The following RALGPS1 variants were observed in gnomAD, a reference collection of about 807,000 sequenced individuals.
RALGPS1 encodes ras-specific guanine nucleotide-releasing factor RalGPS1.
A neutral mutation model predicts 78.8 loss-of-function variants in RALGPS1; 19 were observed. That is an observed-to-expected ratio of 0.24 (90% CI 0.17 to 0.35). The LOEUF is 0.35. RALGPS1 is among the 10% of genes least tolerant of loss of function. The pLI is 1.00. For synonymous variants in RALGPS1, 228 were observed against 256.3 expected (o/e 0.89, Z 1.06); for missense variants, 454 against 688.3 (o/e 0.66, Z 3.81).
chr9:127,057,549 G>A (rs1186744487), intron 7 of RALGPS1, among the ~76,000 whole-genome samples: 1 of 152,222 alleles, frequency 6.6e-6, no homozygotes, highest in African/African-American at 2.4e-5. Flanking sequence ...CTTAATAAAT[G>A]CCATCTGCAT....
intron 1 of RALGPS1, among the ~76,000 whole-genome samples, chr9:126,942,134 T>G (rs1016605966): frequency 6.6e-6 from 1 of 152,226 alleles, no homozygotes; most frequent in African/African-American, 2.4e-5. Context: ...AGGATGTTAA[T>G]TCATCATCTG....
chr9:127,168,587 G>A, intron 9 of RALGPS1, 92 bp from the exon 10 acceptor site: 1 of 891,612 alleles, frequency 1.1e-6, no homozygotes, highest in Middle Eastern at 2.2e-4. Context: ...CAGTATCCTG[G>A]GAGCATCTAA....
intron 3 of RALGPS1, among the ~76,000 whole-genome samples, chr9:126,972,876 A>G (rs992775187): frequency 2.0e-5 from 3 of 152,156 alleles, no homozygotes; most frequent in Non-Finnish European, 2.9e-5. Context: ...AGCCTGGCCA[A>G]TATGGTGAAA....
intron 9 of RALGPS1, among the ~76,000 whole-genome samples, chr9:127,167,361 C>A (rs1046529595): frequency 6.6e-6 from 1 of 152,244 alleles, no homozygotes; most frequent in African/African-American, 2.4e-5. Context: ...CTGGCCTGGG[C>A]CATCTCCAGC....
chr9:127,080,535 A>G (rs1472106757), intron 8 of RALGPS1, among the ~76,000 whole-genome samples: 2 of 152,214 alleles, frequency 1.3e-5, no homozygotes, highest in East Asian at 3.8e-4. Flanking sequence ...CAAAGTGGGA[A>G]CATTTTATAT....
chr9:127,078,375 A>C (rs2050867810), intron 8 of RALGPS1, among the ~76,000 whole-genome samples: 1 of 151,912 alleles, frequency 6.6e-6, no homozygotes, highest in African/African-American at 2.4e-5. Flanking sequence ...TGTTATTAAA[A>C]CCCATTTTAT....
At chr9:127,050,015 G>T (rs1450606524) in intron 5 of RALGPS1, 28 bp from the exon 6 acceptor site, 30 of 1,522,558 alleles carry the variant, frequency 2.0e-5, no homozygotes, top group Non-Finnish European at 2.6e-5. Flanking sequence ...GTGTGTATGT[G>T]TGTATGTGTG....
At chr9:127,182,346 CT>C (rs1564737558) in intron 11 of RALGPS1, among the ~76,000 whole-genome samples, 74 of 142,174 alleles carry the variant, frequency 5.2e-4, no homozygotes, top group African/African-American at 1.8e-3. Context: ...TCCTTCCTTC[CT>C]TCCTCCCTTC....
chr9:127,032,246 G>A (rs2046492055), intron 4 of RALGPS1, among the ~76,000 whole-genome samples: 1 of 152,216 alleles, frequency 6.6e-6, no homozygotes, highest in South Asian at 2.1e-4. Context: ...TGCAGCTGGT[G>A]TGTGGCCAGC....
At chr9:126,976,407 A>AGT (rs2040649108) in intron 3 of RALGPS1, among the ~76,000 whole-genome samples, 3 of 142,910 alleles carry the variant, frequency 2.1e-5, no homozygotes, top group Admixed American at 7.1e-5. Flanking sequence ...TCACAGTCAC[A>AGT]CACACCATAT....
intron 8 of RALGPS1, among the ~76,000 whole-genome samples, chr9:127,103,848 C>T (rs952847590): frequency 5.9e-5 from 9 of 152,172 alleles, no homozygotes; most frequent in Non-Finnish European, 1.2e-4. Context: ...CAGACATTCA[C>T]GGGGTGATTT....
In RALGPS1 at chr9:126,937,147, C is replaced by G. The variant is rs2036341859; in HGVS notation, c.-66+22172C>G. Among the ~76,000 whole-genome samples the G allele has an allele frequency of 1.3e-5, 2 of 152,152 alleles. 1 individual carries two copies. The highest frequency in any genetic ancestry group is 4.1e-4 in the South Asian group (2 of 4,822). On this transcript the variant is annotated intron_variant, in intron 1 of 18. Transcript: ENST00000259351. Reference sequence around the variant, plus strand: ...TTACAGGCATGAGCCACGGCTGGAACAGCACATCTTTTAGTGCATGTAGTT... The same window carrying G: ...TTACAGGCATGAGCCACGGCTGGAAGAGCACATCTTTTAGTGCATGTAGTT...
chr9:127,017,416 C>T (rs1046328337), intron 4 of RALGPS1, among the ~76,000 whole-genome samples: 62 of 151,876 alleles, frequency 4.1e-4, no homozygotes, highest in African/African-American at 1.5e-3. Context: ...AAATGGTATA[C>T]CTATATAGGA....
At chr9:126,945,905 A>G (rs752925762) in intron 1 of RALGPS1, among the ~76,000 whole-genome samples, 3 of 152,204 alleles carry the variant, frequency 2.0e-5, no homozygotes, top group East Asian at 1.9e-4. Flanking sequence ...GGGAAGATGC[A>G]TTCTGTTTTT....
intron 8 of RALGPS1, among the ~76,000 whole-genome samples, chr9:127,115,314 T>C (rs1409964643): frequency 1.3e-5 from 2 of 152,170 alleles, no homozygotes; most frequent in Non-Finnish European, 2.9e-5. Flanking sequence ...CTCAACCTCC[T>C]GAGCAGCTAG....
rs931839593 is a variant in RALGPS1 at position 127,222,865 on chromosome 9, G to A, written c.*4096G>A. ...AAAATCAGTTTCTACATTTTAATTC[G>A]TTTCCTGTTAAATCTGTTGCACTCT... is the stretch of plus-strand genomic sequence containing the variant. On this transcript the variant is annotated 3_prime_UTR_variant, in exon 19 of 19. Transcript: ENST00000259351. 3 of 152,460 alleles carry A rather than the reference G, an allele frequency of 2.0e-5. No homozygotes were observed. Among genetic ancestry groups the A allele is most frequent in the African/African-American group, 4.8e-5 (2 of 41,390 alleles). 9.4% of individuals were successfully genotyped at this position (152,460 alleles called of 1,614,324 possible). A position where few individuals can be genotyped will look rare whatever the true frequency, so the allele number is the denominator to read the frequency against.
chr9:127,108,620 ACT>A, intron 8 of RALGPS1: 2 of 1,612,206 alleles, frequency 1.2e-6, no homozygotes, highest in Middle Eastern at 1.7e-4. Context: ...AGGTAAATGA[ACT>A]CTCTTGGCGA....
chr9:127,213,938 A>G (rs1024175079), intron 17 of RALGPS1: 3 of 152,248 alleles, frequency 2.0e-5, no homozygotes, highest in African/African-American at 4.8e-5. Context: ...GCTGAGAAGC[A>G]GAGAAACAAA....
rs779639127 is a variant in RALGPS1, at chr9:127,196,544, C to G, written c.1108C>G (p.Leu370Val). 6.2e-7 allele frequency: 1 copy of G among 1,614,238 alleles called. No homozygotes were observed. The highest frequency in any genetic ancestry group is 8.5e-7 in the Non-Finnish European group (1 of 1,180,014). The change falls in exon 13 of 19, where the codon CTG becomes GTG. Residue 370 changes from leucine to valine, a missense_variant. By Grantham distance (32) the Leu-to-Val change is conservative. Transcript: ENST00000259351. ...CCCATCGGAGAAAGCAAGGCACCTA[C>G]TGGACGACAGTGTCCTAGAGTCCCG... ...TFPSEKARHL[L>V]DDSVLESRSP...
Sources: allele counts gnomAD v4.1 joint callset (sites outside exome capture counted in the v4.1 genomes callset), GRCh38; gene constraint gnomAD v4.1.1; transcripts MANE v1.5; gene names NCBI Gene and HGNC (gene_info 2026-07-23, HGNC 2026-07-21).